The following LRMDA variants were observed in gnomAD, a reference collection of about 807,000 sequenced individuals.
LRMDA encodes the protein leucine rich melanocyte differentiation associated.
In LRMDA, 18 loss-of-function variants were observed where a neutral mutation model predicts 29.8. That is an observed-to-expected ratio of 0.60 (90% CI 0.42 to 0.90). LRMDA has a LOEUF of 0.90. Among genes scored for constraint, LRMDA ranks in the 40% least tolerant of loss-of-function variants. The probability of loss-of-function intolerance (pLI) is 0.00; values close to 1 mark genes in which losing one functional copy is unlikely to be tolerated. For missense variants in LRMDA, 273 were observed against 273.9 expected (o/e 1.00, Z 0.02); for synonymous variants, 125 against 109.4 (o/e 1.14, Z -0.89).
At chr10:75,488,206 T>C (rs1421511916) in intron 2 of LRMDA, among the ~76,000 whole-genome samples, 1 of 152,232 alleles carries the variant, frequency 6.6e-6, no homozygotes, top group African/African-American at 2.4e-5. Context: ...ACAAAACCTA[T>C]GCTGTCAGCT....
chr10:75,534,075 G>A lies in LRMDA; in HGVS notation c.131+95581G>A, dbSNP rs567480785. On this transcript the variant is annotated intron_variant, in intron 2 of 6. Transcript: ENST00000611255. ...ATCTTCCTTCTCTTGGCCATTCCTG[G>A]CATCAACAGGCTCTCTTCATGCTCT... 3.3e-4 allele frequency among the ~76,000 whole-genome samples: 50 copies of A among 152,222 alleles called. 2 individuals are homozygous for A. The South Asian group carries it at 0.01, about 31-fold the overall frequency.
intron 2 of LRMDA, among the ~76,000 whole-genome samples, chr10:75,649,827 G>T (rs147764470): frequency 8.5e-5 from 13 of 152,304 alleles, no homozygotes; most frequent in African/African-American, 2.6e-4. Flanking sequence ...CAGTGAGTAT[G>T]AGTAGCATCT....
chr10:75,436,520 T>G (rs1422765345), intron 1 of LRMDA, among the ~76,000 whole-genome samples: 1 of 151,104 alleles, frequency 6.6e-6, no homozygotes, highest in Non-Finnish European at 1.5e-5. Context: ...CAGGCTGGAG[T>G]GCAGTGGTGC....
At chr10:76,023,743 T>A (rs770562487) in intron 2 of LRMDA, among the ~76,000 whole-genome samples, 35 of 152,260 alleles carry the variant, frequency 2.3e-4, no homozygotes, top group Non-Finnish European at 2.5e-4. Flanking sequence ...TCTCCCGAGC[T>A]GTCATCTCCC....
chr10:75,680,911 G>A (rs1266425157), intron 2 of LRMDA, among the ~76,000 whole-genome samples: 1 of 152,132 alleles, frequency 6.6e-6, no homozygotes. Flanking sequence ...ATAATTGTAT[G>A]TCCTTCTGCA....
At chr10:76,523,078 A>G (rs1843137793) in intron 6 of LRMDA, among the ~76,000 whole-genome samples, 1 of 150,154 alleles carries the variant, frequency 6.7e-6, no homozygotes, top group South Asian at 2.1e-4. Context: ...CCTGCCAGCC[A>G]TCTTCCCCAG....
intron 2 of LRMDA, among the ~76,000 whole-genome samples, chr10:75,596,729 A>G (rs1341486697): frequency 2.6e-5 from 4 of 152,138 alleles, no homozygotes; most frequent in Non-Finnish European, 4.4e-5. Flanking sequence ...ACTATGTATT[A>G]TTGCTAACCG....
intron 5 of LRMDA, among the ~76,000 whole-genome samples, chr10:76,284,511 T>G (rs1840246538): frequency 6.6e-6 from 1 of 152,216 alleles, no homozygotes; most frequent in African/African-American, 2.4e-5. Context: ...GAACTTGTGT[T>G]GTTTGAAGCT....
At chr10:76,533,851 A>T (rs941708000) in intron 6 of LRMDA, among the ~76,000 whole-genome samples, 9 of 152,292 alleles carry the variant, frequency 5.9e-5, no homozygotes, top group African/African-American at 1.9e-4. Context: ...ATATATTATA[A>T]TTTTAGGTTT....
At chr10:75,457,093 G>A (rs1328289602) in intron 2 of LRMDA, among the ~76,000 whole-genome samples, 1 of 152,224 alleles carries the variant, frequency 6.6e-6, no homozygotes, top group Non-Finnish European at 1.5e-5. Flanking sequence ...TTTATGGCAA[G>A]CAAGGTGTTC....
intron 2 of LRMDA, among the ~76,000 whole-genome samples, chr10:75,703,985 A>G (rs1842337762): frequency 6.6e-6 from 1 of 152,230 alleles, no homozygotes; most frequent in South Asian, 2.1e-4. Flanking sequence ...CTGGTTCTAT[A>G]AAATGTGCCG....
At chr10:76,172,250 AGTTTT>A (rs921283026) in intron 5 of LRMDA, among the ~76,000 whole-genome samples, 2 of 152,192 alleles carry the variant, frequency 1.3e-5, no homozygotes, top group Non-Finnish European at 2.9e-5. Context: ...TTTCAACATG[AGTTTT>A]GTCAGGGACA....
At chr10:75,895,306 A>G (rs1845563303) in intron 2 of LRMDA, among the ~76,000 whole-genome samples, 3 of 152,202 alleles carry the variant, frequency 2.0e-5, no homozygotes, top group Non-Finnish European at 4.4e-5. Flanking sequence ...AACTAAAACC[A>G]TTTCCTAAAA....
intron 2 of LRMDA, among the ~76,000 whole-genome samples, chr10:75,539,678 C>G (rs544846115): frequency 1.3e-5 from 2 of 152,258 alleles, no homozygotes; most frequent in African/African-American, 4.8e-5. Context: ...AGCCTGGGAA[C>G]CTGGTTAGAG....
intron 2 of LRMDA, among the ~76,000 whole-genome samples, chr10:75,828,314 A>C (rs1281599933): frequency 6.6e-6 from 1 of 152,202 alleles, no homozygotes; most frequent in African/African-American, 2.4e-5. Flanking sequence ...GTGAAAAGAA[A>C]GTTCAACCAG....
chr10:76,237,381 T>C (rs995218331), intron 5 of LRMDA, among the ~76,000 whole-genome samples: 4 of 152,154 alleles, frequency 2.6e-5, no homozygotes, highest in South Asian at 2.1e-4. Flanking sequence ...GTTAAGAACA[T>C]TTTTGGTTTT....
At chr10:76,221,611 A>T (rs917108637) in intron 5 of LRMDA, among the ~76,000 whole-genome samples, 19 of 152,234 alleles carry the variant, frequency 1.2e-4, no homozygotes, top group African/African-American at 4.6e-4. Context: ...GCTCAATTAA[A>T]TAAAAGAGGA....
chr10:76,366,871 A>G (rs1841397302), intron 6 of LRMDA, among the ~76,000 whole-genome samples: 2 of 152,262 alleles, frequency 1.3e-5, no homozygotes, highest in South Asian at 4.1e-4. Flanking sequence ...CTTATTCAGT[A>G]TTATGTTGGC....
Position 75,691,125 on chromosome 10 carries a change from C to T in LRMDA, c.131+252631C>T, listed in dbSNP as rs12762850. Among the ~76,000 whole-genome samples the T allele has an allele frequency of 2.0e-3, 158 of 78,496 alleles. 3 individuals are homozygous for T. Among genetic ancestry groups the T allele is most frequent in the Non-Finnish European group, 2.4e-3 (112 of 46,442 alleles). The allele number at this position is 78,496 out of a possible 152,430, so 51.5% of individuals were successfully genotyped here. The stretch of plus-strand genomic sequence containing the variant: ...ATATATAGATCTATATATCTATATA[C>T]ATAGATATATAGATCTATATATCTA... On this transcript the variant is annotated intron_variant, in intron 2 of 6. Coordinates refer to ENST00000611255, the MANE Select transcript of LRMDA (RefSeq NM_001305581.2).
Sources: gnomAD v4.1 joint callset for allele counts (sites outside exome capture counted in the v4.1 genomes callset) on GRCh38, gnomAD v4.1.1 for gene constraint, MANE v1.5 for transcripts, NCBI Gene and HGNC (gene_info 2026-07-23, HGNC 2026-07-21) for gene names.